Variants in INCA1 observed in about 807,000 individuals in gnomAD.
INCA1 encodes the protein inhibitor of CDK, cyclin A1 interacting protein 1.
INCA1 carries 28 observed loss-of-function variants against 25.7 expected under a neutral mutation model. The ratio of observed to expected loss-of-function variants is 1.09; its 90% CI spans 0.81 to 1.49. The LOEUF (loss-of-function observed/expected upper bound fraction) is 1.49, where lower values mean the gene tolerates loss of function less well. INCA1 is among the 40% of genes most tolerant of loss of function. The probability of loss-of-function intolerance (pLI) is 0.00; values close to 1 mark genes in which losing one functional copy is unlikely to be tolerated. For synonymous variants in INCA1, 111 were observed against 103.6 expected (o/e 1.07, Z -0.43); for missense variants, 309 against 290.9 (o/e 1.06, Z -0.45).
chr17:4,996,171 G>C (rs1476936686), intron 1 of INCA1, among the ~76,000 whole-genome samples: 1 of 152,112 alleles, frequency 6.6e-6, no homozygotes, highest in Non-Finnish European at 1.5e-5. Flanking sequence ...GATTGCTCGA[G>C]CCCAGGAGTT....
chr17:4,993,307 G>A (rs1449641971), intron 2 of INCA1, among the ~76,000 whole-genome samples: 1 of 152,056 alleles, frequency 6.6e-6, no homozygotes, highest in Admixed American at 6.5e-5. Flanking sequence ...AGCCTCCCGA[G>A]TAGCTGGGAT....
At chr17:4,997,275 C>T (rs1974359134), upstream of INCA1, 2 of 152,280 alleles carry the variant, frequency 1.3e-5, no homozygotes, top group Admixed American at 1.3e-4. Context: ...GGGCTGCTTC[C>T]CTCGAGAGGG....
intron 2 of INCA1, among the ~76,000 whole-genome samples, chr17:4,991,031 G>A (rs899036537): frequency 3.5e-4 from 53 of 151,180 alleles, no homozygotes; most frequent in Non-Finnish European, 7.4e-5. Context: ...TGATTCTCCT[G>A]CCTCAGCCTC....
At chr17:4,993,761 C>T (rs1382597509) in intron 2 of INCA1, among the ~76,000 whole-genome samples, 1 of 147,130 alleles carries the variant, frequency 6.8e-6, no homozygotes, top group East Asian at 2.0e-4. Context: ...AGCCACCGTG[C>T]CTGGCCTTTT....
chr17:4,992,079 G>A (rs1252933564), intron 2 of INCA1, among the ~76,000 whole-genome samples: 1 of 152,090 alleles, frequency 6.6e-6, no homozygotes, highest in Non-Finnish European at 1.5e-5. Context: ...GAGAAATAGG[G>A]GGCTAGATGG....
chr17:4,994,647 G>A (rs1441961016), intron 1 of INCA1, among the ~76,000 whole-genome samples, 172 bp from the exon 2 acceptor site: 3 of 151,970 alleles, frequency 2.0e-5, no homozygotes, highest in African/African-American at 7.3e-5. Flanking sequence ...AACATTAGTC[G>A]GGTGTGGTGG....
rs1300194341 is a variant in INCA1, at chr17:4,989,327, C to T, written c.395+101G>A. The T allele has an allele frequency of 1.2e-5, 14 of 1,170,382 alleles. No individual in the cohort carries two copies. The African/African-American group carries it at 1.7e-4, about 14-fold the overall frequency. 72.5% of individuals were successfully genotyped at this position (1,170,382 alleles called of 1,614,324 possible). A position where few individuals can be genotyped will look rare whatever the true frequency, so the allele number is the denominator to read the frequency against. The stretch of plus-strand genomic sequence containing the variant: ...CAAGCAACCTCCCCTCAAAGCTCCC[C>T]TCAAACCTCCCCTCAAAGCTGTCAA... On this transcript the variant is annotated intron_variant, in intron 5 of 6. Coordinates refer to ENST00000576820, the Ensembl canonical transcript of INCA1.
exon 2 of INCA1, chr17:4,994,459 T>C (rs776893910): frequency 1.3e-5 from 21 of 1,613,266 alleles, no homozygotes; most frequent in Admixed American, 5.0e-5. Flanking sequence ...GCTGGGTAGT[T>C]AGTCTCCTTT....
chr17:4,993,440 A>G (rs1002039675), intron 2 of INCA1, among the ~76,000 whole-genome samples: 2 of 152,086 alleles, frequency 1.3e-5, no homozygotes, highest in African/African-American at 4.8e-5. Context: ...CAGCCTTCCA[A>G]AGTGCTGAGA....
chr17:4,993,226 C>G (rs1973996347), intron 2 of INCA1, among the ~76,000 whole-genome samples: 1 of 152,018 alleles, frequency 6.6e-6, no homozygotes, highest in Non-Finnish European at 1.5e-5. Flanking sequence ...GTTGCCCGGG[C>G]TGGAGTGCAA....
intron 4 of INCA1, 22 bp from the exon 5 acceptor site, chr17:4,989,646 AAG>A: frequency 2.5e-6 from 4 of 1,609,910 alleles, no homozygotes; most frequent in Non-Finnish European, 3.4e-6. Flanking sequence ...AATGGGGAAA[AAG>A]AGCTAGAAAG....
chr17:4,991,194 A>C (rs563459430), intron 2 of INCA1, among the ~76,000 whole-genome samples: 1 of 152,258 alleles, frequency 6.6e-6, no homozygotes, highest in South Asian at 2.1e-4. Flanking sequence ...CTGGGATTAC[A>C]GGTGTGAGCC....
chr17:4,993,925 C>A (rs566848954), intron 2 of INCA1, among the ~76,000 whole-genome samples: 11 of 152,024 alleles, frequency 7.2e-5, no homozygotes, highest in Admixed American at 2.0e-4. Flanking sequence ...GCGAGCACCA[C>A]CATGCCTGGC....
intron 5 of INCA1, 36 bp from the exon 6 acceptor site, chr17:4,988,980 G>C: frequency 6.3e-7 from 1 of 1,587,124 alleles, no homozygotes; most frequent in Non-Finnish European, 8.6e-7. Flanking sequence ...GAAGTGCCTG[G>C]AGGCCAGGCT....
intron 2 of INCA1, among the ~76,000 whole-genome samples, chr17:4,993,041 G>A (rs1225347762): frequency 1.3e-5 from 2 of 151,694 alleles, no homozygotes; most frequent in South Asian, 2.1e-4. Context: ...CACCACACTC[G>A]GCTAATTTTT....
chr17:4,990,043 A>G, intron 3 of INCA1, 109 bp downstream of exon 3: 1 of 1,612,208 alleles, frequency 6.2e-7, no homozygotes, highest in Non-Finnish European at 8.5e-7. Flanking sequence ...AATGTCCACC[A>G]GCCAGTGGGA....
At chr17:4,988,447 A>G (rs1973524292) in exon 7 of INCA1, 1 of 1,613,080 alleles carries the variant, frequency 6.2e-7, no homozygotes, top group African/African-American at 1.3e-5. Context: ...AGGGATTGTG[A>G]AGGGGGTTCC....
chr17:4,990,386 T>C lies in INCA1; in HGVS notation c.45-121A>G, dbSNP rs536730327. ...AAGCTGCCCAGGTTCCCTCGGGCCA[T>C]GTCCTCTCTTAACCACTTTAGCTGA... On this transcript the variant is annotated intron_variant, in intron 2 of 6. Coordinates refer to ENST00000576820, the Ensembl canonical transcript of INCA1. The C allele has an allele frequency of 3.4e-5, 38 of 1,124,296 alleles. No individual in the cohort carries two copies. The African/African-American group carries it at 5.4e-4, about 16-fold the overall frequency. The allele number at this position is 1,124,296 out of a possible 1,614,324, so 69.6% of individuals were successfully genotyped here.
exon 3 of INCA1, chr17:4,990,204 T>G: frequency 6.2e-7 from 1 of 1,614,178 alleles, no homozygotes; most frequent in Non-Finnish European, 8.5e-7. Flanking sequence ...CGCTGGGGCA[T>G]GGGTCTGAGG....
Sources: allele counts gnomAD v4.1 joint callset (sites outside exome capture counted in the v4.1 genomes callset), GRCh38; gene constraint gnomAD v4.1.1; transcripts MANE v1.5; gene names NCBI Gene and HGNC (gene_info 2026-07-23, HGNC 2026-07-21).